TUB: variants seen among roughly 807,000 people sequenced by gnomAD.
TUB encodes tubby protein homolog.
Under a neutral mutation model 59.7 loss-of-function variants are expected in TUB, and 33 were observed. That is an observed-to-expected ratio of 0.55 (90% CI 0.42 to 0.74). The LOEUF (loss-of-function observed/expected upper bound fraction) is 0.74, where lower values mean the gene tolerates loss of function less well. Among genes scored for constraint, TUB ranks in the 30% least tolerant of loss-of-function variants. The probability of loss-of-function intolerance (pLI) is 0.00; values close to 1 mark genes in which losing one functional copy is unlikely to be tolerated. For missense variants in TUB, 659 were observed against 672.0 expected (o/e 0.98, Z 0.21); for synonymous variants, 293 against 256.4 (o/e 1.14, Z -1.36).
chr11:8,069,580 G>A (rs1943320343), intron 2 of TUB, among the ~76,000 whole-genome samples: 1 of 152,160 alleles, frequency 6.6e-6, no homozygotes, highest in Non-Finnish European at 1.5e-5. Context: ...CCTCTCATTA[G>A]CCGTCATCAG....
At chr11:8,022,469 C>G (rs541641741) in intron 1 of TUB, among the ~76,000 whole-genome samples, 1 of 152,282 alleles carries the variant, frequency 6.6e-6, no homozygotes, top group East Asian at 1.9e-4. Flanking sequence ...CCTTCAAGTC[C>G]TCACCCAAGT....
chr11:8,045,040 A>G (rs1482732324), intron 2 of TUB, among the ~76,000 whole-genome samples: 1 of 152,174 alleles, frequency 6.6e-6, no homozygotes, highest in African/African-American at 2.4e-5. Flanking sequence ...CATAGGTACA[A>G]CTGATTAAAT....
chr11:8,095,008 G>A (rs1943922765), intron 4 of TUB, among the ~76,000 whole-genome samples: 1 of 152,266 alleles, frequency 6.6e-6, no homozygotes, highest in South Asian at 2.1e-4. Context: ...GGGAAGGCGA[G>A]TGTATGCCAA....
intron 1 of TUB, among the ~76,000 whole-genome samples, chr11:8,084,514 C>T (rs945224908): frequency 2.0e-5 from 3 of 152,202 alleles, no homozygotes; most frequent in South Asian, 4.1e-4. Context: ...GGAAGGACTG[C>T]GGCCCACGGC....
chr11:8,046,074 T>C (rs75304700), intron 2 of TUB, among the ~76,000 whole-genome samples: 6,607 of 152,210 alleles, frequency 0.043, 185 homozygotes, highest in Non-Finnish European at 0.058. Flanking sequence ...ATTTGTGCGT[T>C]ATCTCCCTCC....
chr11:8,103,973 C>CTAAG lies in TUB; in HGVS notation c.*2356_*2359dup, dbSNP rs1944411552. The CTAAG allele has an allele frequency of 6.6e-6, 1 of 152,220 alleles. No homozygotes were observed. The allele number at this position is 152,220 out of a possible 1,614,324, so 9.4% of individuals were successfully genotyped here. On this transcript the variant is annotated 3_prime_UTR_variant, in exon 12 of 12. Transcript: ENST00000299506. ...GGAAAGACAGGCTGAGCTTTCTAGC[C>CTAAG]TAAGTGTGGAGAAGGATAGCCTCAG...
chr11:8,037,442 AGTCT>A (rs1169693394), upstream of TUB, among the ~76,000 whole-genome samples: 1 of 152,182 alleles, frequency 6.6e-6, no homozygotes, highest in Non-Finnish European at 1.5e-5. Context: ...GACCACTTAC[AGTCT>A]GTCTGCTTAG....
intron 2 of TUB, among the ~76,000 whole-genome samples, chr11:8,044,098 G>C (rs572892167): frequency 6.6e-6 from 1 of 152,122 alleles, no homozygotes; most frequent in South Asian, 2.1e-4. Context: ...TGTCTTTTGA[G>C]TTTCTTGGAT....
chr11:8,071,649 G>A (rs1167832538), intron 2 of TUB, among the ~76,000 whole-genome samples: 1 of 152,228 alleles, frequency 6.6e-6, no homozygotes, highest in Non-Finnish European at 1.5e-5. Flanking sequence ...TCAGTTGTCT[G>A]TCAGAGCCAG....
At chr11:8,065,815 G>A (rs1325274818) in intron 2 of TUB, among the ~76,000 whole-genome samples, 2 of 152,130 alleles carry the variant, frequency 1.3e-5, no homozygotes, top group East Asian at 1.9e-4. Context: ...TCTGAGCCTC[G>A]ATTTCCTTAT....
In TUB at chr11:8,039,684, G is replaced by A. The variant is rs17847539; in HGVS notation, c.195G>A (p.Glu65=). The A allele has an allele frequency of 0.092, 141,384 of 1,533,814 alleles. 8,884 individuals carry two copies. The highest frequency in any genetic ancestry group is 0.3 in the Admixed American group (14,885 of 49,684). ...GGAAGTACTGGAAGGAAGGAAGGGA[G>A]ATCGCTCGGTGAGCTGGAGGGGAGG... Residue 65 remains glutamate, a synonymous_variant, in exon 2 of 13, where the codon GAG becomes GAA. Coordinates refer to the TUB transcript ENST00000305253.
exon 1 of TUB, chr11:8,038,895 C>A: frequency 1.9e-6 from 3 of 1,614,048 alleles, no homozygotes; most frequent in Non-Finnish European, 2.5e-6. Context: ...GACACCTTTG[C>A]CTTCTTTCTG....
At chr11:8,050,617 T>G (rs1212508387) in intron 2 of TUB, among the ~76,000 whole-genome samples, 1 of 152,244 alleles carries the variant, frequency 6.6e-6, no homozygotes, top group Non-Finnish European at 1.5e-5. Context: ...TTTTACTTAT[T>G]CACCCACTCC....
At chr11:8,034,575 G>A (rs1441567736), upstream of TUB, among the ~76,000 whole-genome samples, 1 of 152,144 alleles carries the variant, frequency 6.6e-6, no homozygotes, top group Non-Finnish European at 1.5e-5. Flanking sequence ...TTATTGGTTT[G>A]GGTTCAATTT....
At chr11:8,081,030 C>T (rs2133812288), upstream of TUB, among the ~76,000 whole-genome samples, 1 of 152,246 alleles carries the variant, frequency 6.6e-6, no homozygotes, top group Admixed American at 6.5e-5. Context: ...CCGGCTGCAG[C>T]GCCGCCGTTA....
chr11:8,104,899 G>A lies in TUB; in HGVS notation c.*3280G>A, dbSNP rs999244890. 16 of 150,050 alleles carry A rather than the reference G, an allele frequency of 1.1e-4. No homozygotes were observed. The highest frequency in any genetic ancestry group is 1.6e-4 in the Non-Finnish European group (11 of 67,660). The allele number at this position is 150,050 out of a possible 1,614,324, so 9.3% of individuals were successfully genotyped here. A position where few individuals can be genotyped will look rare whatever the true frequency, so the allele number is the denominator to read the frequency against. On this transcript the variant is annotated 3_prime_UTR_variant, in exon 12 of 12. Coordinates refer to ENST00000299506, the MANE Select transcript of TUB (RefSeq NM_177972.3). ...CGGAGCCTGCCTCCTTCAGTGACAA[G>A]TAGGGCACAAAATTCTAGAAGCAGA...
At chr11:8,058,063 T>C (rs957388309) in intron 2 of TUB, among the ~76,000 whole-genome samples, 1 of 151,526 alleles carries the variant, frequency 6.6e-6, no homozygotes, top group Admixed American at 6.6e-5. Flanking sequence ...AATACAAAAA[T>C]TAGCCAGGCA....
chr11:8,101,095 T>G, intron 11 of TUB, 98 bp downstream of exon 11: 1 of 1,407,302 alleles, frequency 7.1e-7, no homozygotes. Flanking sequence ...TGGCTAGAGT[T>G]TAAGAATGTG....
chr11:8,032,450 G>A (rs539796683), intron 1 of TUB, among the ~76,000 whole-genome samples: 10 of 152,300 alleles, frequency 6.6e-5, no homozygotes, highest in Admixed American at 3.9e-4. Context: ...GAGCCATGGC[G>A]AGTGGGCAGC....
Sources: allele counts gnomAD v4.1 joint callset (sites outside exome capture counted in the v4.1 genomes callset), GRCh38; gene constraint gnomAD v4.1.1; transcripts MANE v1.5; gene names NCBI Gene and HGNC (gene_info 2026-07-23, HGNC 2026-07-21).